The following NCKAP5 variants were observed in gnomAD, a reference collection of about 807,000 sequenced individuals.
NCKAP5 encodes the protein NCK associated protein 5.
Under a neutral mutation model 167.0 loss-of-function variants are expected in NCKAP5, and 92 were observed. The ratio of observed to expected loss-of-function variants is 0.55; its 90% CI spans 0.47 to 0.66. The LOEUF (loss-of-function observed/expected upper bound fraction) is 0.66. NCKAP5 is among the 30% of genes least tolerant of loss of function. The pLI, the probability that NCKAP5 is intolerant of heterozygous loss-of-function variation, is 0.00. For synonymous variants in NCKAP5, 891 were observed against 877.4 expected (o/e 1.02, Z -0.27); for missense variants, 2,378 against 2,315.0 (o/e 1.03, Z -0.56).
At chr2:133,461,536 G>T (rs56861595) in intron 3 of NCKAP5, among the ~76,000 whole-genome samples, 2 of 152,138 alleles carry the variant, frequency 1.3e-5, no homozygotes, top group African/African-American at 4.8e-5. Context: ...TCCTTTCTGC[G>T]CCCACTCAGA....
At chr2:133,485,527 T>C (rs1235458343) in intron 3 of NCKAP5, among the ~76,000 whole-genome samples, 2 of 152,186 alleles carry the variant, frequency 1.3e-5, no homozygotes, top group East Asian at 3.8e-4. Context: ...TAAAGAGATA[T>C]GGCCCTAGTG....
At chr2:133,298,631 C>A (rs1680132049) in intron 4 of NCKAP5, among the ~76,000 whole-genome samples, 1 of 152,124 alleles carries the variant, frequency 6.6e-6, no homozygotes, top group Non-Finnish European at 1.5e-5. Context: ...GTGTAAGATA[C>A]ACTTACTAAC....
intron 8 of NCKAP5, among the ~76,000 whole-genome samples, chr2:132,894,882 G>T (rs1022486556): frequency 6.6e-6 from 1 of 152,092 alleles, no homozygotes; most frequent in Non-Finnish European, 1.5e-5. Context: ...GCCTCCTGCC[G>T]TTCTGCGAGG....
intron 6 of NCKAP5, among the ~76,000 whole-genome samples, chr2:133,029,429 A>T (rs2078806023): frequency 6.6e-6 from 1 of 152,186 alleles, no homozygotes; most frequent in Non-Finnish European, 1.5e-5. Context: ...ATTCAAACCC[A>T]GGTCCCTCTC....
At chr2:133,192,773 T>G (rs905483970) in intron 5 of NCKAP5, among the ~76,000 whole-genome samples, 18 of 152,070 alleles carry the variant, frequency 1.2e-4, no homozygotes, top group Non-Finnish European at 1.2e-4. Context: ...AGTGAGGATG[T>G]GCAGAAACCA....
chr2:132,796,769 TAA>T, intron 11 of NCKAP5, 40 bp from the exon 12 acceptor site: 1 of 1,358,334 alleles, frequency 7.4e-7, no homozygotes, highest in Non-Finnish European at 1.0e-6. Flanking sequence ...AGCGATAATT[TAA>T]TTATTTGTCT....
intron 5 of NCKAP5, among the ~76,000 whole-genome samples, chr2:133,176,609 C>T (rs6733829): frequency 0.15 from 23,157 of 152,164 alleles, 1,846 homozygotes; most frequent in Non-Finnish European, 0.16. Context: ...AATATTCAAA[C>T]ACTTCCATGT....
chr2:133,073,713 T>C (rs936551228), intron 6 of NCKAP5, among the ~76,000 whole-genome samples: 2 of 152,120 alleles, frequency 1.3e-5, no homozygotes, highest in African/African-American at 4.8e-5. Context: ...TACAACAAAA[T>C]GAGGACATTT....
intron 4 of NCKAP5, among the ~76,000 whole-genome samples, chr2:133,259,284 G>A (rs1201776079): frequency 1.3e-5 from 2 of 152,064 alleles, no homozygotes; most frequent in African/African-American, 2.4e-5. Context: ...AAGTGTTTTG[G>A]GGGAATCTTA....
the NCKAP5 span, among the ~76,000 whole-genome samples, chr2:133,581,725 A>T: frequency 6.6e-6 from 1 of 152,096 alleles, no homozygotes; most frequent in African/African-American, 2.4e-5. Context: ...GACAACTCAA[A>T]CCTTCAGTTA....
chr2:133,547,187 C>T (rs950164077), intron 2 of NCKAP5, among the ~76,000 whole-genome samples: 7 of 152,194 alleles, frequency 4.6e-5, no homozygotes, highest in Admixed American at 1.3e-4. Flanking sequence ...AAAAACGGCG[C>T]GCCACGAGAT....
intron 6 of NCKAP5, among the ~76,000 whole-genome samples, chr2:133,020,986 C>A (rs895198015): frequency 8.5e-5 from 13 of 152,154 alleles, no homozygotes; most frequent in African/African-American, 3.1e-4. Context: ...GGTAATGACA[C>A]AAATGCCAAA....
chr2:133,287,292 A>G (rs1336442483), intron 4 of NCKAP5, among the ~76,000 whole-genome samples: 2 of 152,202 alleles, frequency 1.3e-5, no homozygotes, highest in Non-Finnish European at 2.9e-5. Context: ...TAGTGTCTGT[A>G]ACTGACATCC....
intron 15 of NCKAP5, 135 bp from the exon 16 acceptor site, chr2:132,774,029 T>G: frequency 1.6e-6 from 1 of 641,828 alleles, no homozygotes; most frequent in Admixed American, 3.1e-5. Flanking sequence ...TATACATGTG[T>G]GAGTATGTAT....
At chr2:133,275,884 A>G (rs2089705696) in intron 4 of NCKAP5, among the ~76,000 whole-genome samples, 1 of 151,994 alleles carries the variant, frequency 6.6e-6, no homozygotes, top group African/African-American at 2.4e-5. Context: ...ACCAATAAAC[A>G]GTTGACCCTT....
intron 6 of NCKAP5, among the ~76,000 whole-genome samples, chr2:133,042,568 T>C (rs2079250510): frequency 6.6e-6 from 1 of 152,214 alleles, no homozygotes; most frequent in African/African-American, 2.4e-5. Flanking sequence ...TAAACCTCTT[T>C]TAAAATTGCT....
chr2:132,680,176 T>C (rs1205283625), intron 19 of NCKAP5, among the ~76,000 whole-genome samples: 3 of 152,072 alleles, frequency 2.0e-5, no homozygotes, highest in African/African-American at 7.2e-5. Context: ...GTTCCCTCTA[T>C]TACCTCAACT....
intron 16 of NCKAP5, among the ~76,000 whole-genome samples, chr2:132,743,071 C>T (rs1034025967): frequency 1.1e-5 from 1 of 89,762 alleles, no homozygotes; most frequent in Non-Finnish European, 2.0e-5. Context: ...CACATGTGCA[C>T]ATGCACACAC....
intron 4 of NCKAP5, among the ~76,000 whole-genome samples, chr2:133,295,748 G>A (rs1679914759): frequency 1.3e-5 from 2 of 152,140 alleles, no homozygotes; most frequent in Non-Finnish European, 2.9e-5. Context: ...GAATTGTCTG[G>A]CCCCAAATGT....
Sources: allele counts gnomAD v4.1 joint callset (sites outside exome capture counted in the v4.1 genomes callset), GRCh38; gene constraint gnomAD v4.1.1; transcripts MANE v1.5; gene names NCBI Gene and HGNC (gene_info 2026-07-23, HGNC 2026-07-21).